Variants in APBB2 observed in about 807,000 individuals in gnomAD.
APBB2 encodes the protein amyloid beta precursor protein binding family B member 2.
Under a neutral mutation model 82.5 loss-of-function variants are expected in APBB2, and 38 were observed. The observed-to-expected ratio is 0.46, with a 90% confidence interval of 0.36 to 0.60. The LOEUF is 0.60. Among genes scored for constraint, APBB2 ranks in the 20% least tolerant of loss-of-function variants. APBB2 has a pLI of 0.00. For missense variants in APBB2, 772 were observed against 972.3 expected, an observed-to-expected ratio of 0.79 and a Z score of 2.74; for synonymous variants, 341 against 368.2, an observed-to-expected ratio of 0.93 and a Z score of 0.85.
chr4:41,164,300 C>T (rs966446100), intron 1 of APBB2, among the ~76,000 whole-genome samples: 6 of 152,276 alleles, frequency 3.9e-5, no homozygotes, highest in African/African-American at 1.4e-4. Flanking sequence ...GATTTTGGAG[C>T]ACTTCAGATT....
chr4:40,969,128 G>C (rs1191235625), intron 6 of APBB2, among the ~76,000 whole-genome samples: 1 of 152,180 alleles, frequency 6.6e-6, no homozygotes, highest in Non-Finnish European at 1.5e-5. Context: ...CCCAGTCTCA[G>C]ATATGTCTTT....
In APBB2 at chr4:41,013,596, G is replaced by C. The variant is rs1560523162; in HGVS notation, c.822C>G (p.Ser274=). ...CCCCAGGGGTACCTGTTTCATCCGG[G>C]GAGCTGGGTGAGGCACTGTCTTGGG... ...TLSQDSASPS[S]PDETADIWSD... is the part of the protein sequence containing the mutation. The change falls in exon 6 of 18, where the codon TCC becomes TCG. Residue 274 remains serine, a synonymous_variant. Transcript: ENST00000508593. 1 of 1,613,754 alleles carries C rather than the reference G, an allele frequency of 6.2e-7. No individual in the cohort carries two copies.
rs777910826 is a variant in APBB2, at chr4:40,832,013, T to TATATACACACAC, written c.1530-1437_1530-1436insGTGTGTGTATAT. On this transcript the variant is annotated intron_variant, in intron 12 of 17. Coordinates refer to ENST00000508593, the MANE Select transcript of APBB2 (RefSeq NM_004307.2). The surrounding 1 kb of genome is among the most constrained non-coding windows in gnomAD (Gnocchi z 4.8). ...ACACATATTTATATATTTATTTATA[T>TATATACACACAC]ACACACACACACACACACACACACA... 1.8e-3 allele frequency among the ~76,000 whole-genome samples: 247 copies of TATATACACACAC among 138,966 alleles called. No homozygotes were observed. The highest frequency in any genetic ancestry group is 4.9e-3 in the African/African-American group (181 of 37,130). 91.2% of individuals were successfully genotyped at this position (138,966 alleles called of 152,430 possible). A position where few individuals can be genotyped will look rare whatever the true frequency, so the allele number is the denominator to read the frequency against.
At chr4:41,174,445 C>T (rs2154056384) in intron 1 of APBB2, among the ~76,000 whole-genome samples, 1 of 152,252 alleles carries the variant, frequency 6.6e-6, no homozygotes, top group Non-Finnish European at 1.5e-5. Context: ...TACATCAGAA[C>T]ATGACTGATG....
chr4:40,974,211 CCTTAA>C (rs146708439), intron 6 of APBB2, among the ~76,000 whole-genome samples: 4,223 of 152,224 alleles, frequency 0.028, 194 homozygotes, highest in African/African-American at 0.095. Context: ...AATGACCTTA[CCTTAA>C]CTTGATTACA....
intron 5 of APBB2, among the ~76,000 whole-genome samples, chr4:41,025,432 G>T (rs1713605120): frequency 6.6e-6 from 1 of 152,080 alleles, no homozygotes; most frequent in South Asian, 2.1e-4. Flanking sequence ...TTCAACTGTT[G>T]TGGAAAGCAG....
intron 10 of APBB2, among the ~76,000 whole-genome samples, chr4:40,925,990 T>C (rs1345363449): frequency 6.6e-6 from 1 of 152,170 alleles, no homozygotes; most frequent in Non-Finnish European, 1.5e-5. Flanking sequence ...AGGTAAGTTA[T>C]AACAAAAGAG....
intron 4 of APBB2, among the ~76,000 whole-genome samples, chr4:41,040,108 T>C (rs184610914): frequency 7.2e-5 from 11 of 152,206 alleles, no homozygotes; most frequent in African/African-American, 2.6e-4. Flanking sequence ...TATAGAAAAT[T>C]GTCTTTCTGA....
intron 2 of APBB2, among the ~76,000 whole-genome samples, chr4:41,142,607 C>T (rs1580371222): frequency 6.6e-6 from 1 of 152,304 alleles, no homozygotes; most frequent in Non-Finnish European, 1.5e-5. Context: ...TTTGAAACTA[C>T]AAATCCAACT....
At chr4:40,833,565 C>T (rs4861319) in intron 12 of APBB2, among the ~76,000 whole-genome samples, 91,297 of 151,878 alleles carry the variant, frequency 0.6, 28,450 homozygotes, top group African/African-American at 0.67. Context: ...TTATATCATA[C>T]CTTTTTGTAG....
intron 6 of APBB2, 111 bp downstream of exon 6, chr4:41,013,472 C>T (rs1336795628): frequency 8.9e-6 from 9 of 1,016,512 alleles, no homozygotes; most frequent in Admixed American, 6.9e-5. Flanking sequence ...AAGAGGCTCA[C>T]GTTCCTCTCT....
intron 6 of APBB2, among the ~76,000 whole-genome samples, chr4:40,991,782 AT>A (rs1272429262): frequency 6.6e-6 from 1 of 151,876 alleles, no homozygotes; most frequent in African/African-American, 2.4e-5. Context: ...GTTTTCTAGG[AT>A]TTTTTTTAGA....
At chr4:40,950,868 AAATT>A (rs1188154266) in intron 6 of APBB2, among the ~76,000 whole-genome samples, 12 of 152,306 alleles carry the variant, frequency 7.9e-5, no homozygotes, top group Non-Finnish European at 1.2e-4. Context: ...AAAAAAATTA[AAATT>A]AAATTTAAAA....
intron 5 of APBB2, among the ~76,000 whole-genome samples, chr4:41,016,021 T>A (rs1809819723): frequency 6.6e-6 from 1 of 152,078 alleles, no homozygotes; most frequent in Non-Finnish European, 1.5e-5. Context: ...CACTCAAGAG[T>A]GGCATTTCAT....
chr4:40,921,004 T>C (rs371535163), intron 10 of APBB2, among the ~76,000 whole-genome samples: 14 of 152,296 alleles, frequency 9.2e-5, no homozygotes, highest in South Asian at 8.3e-4. Flanking sequence ...CATTTAGCAG[T>C]GGAACAGTGA....
intron 2 of APBB2, among the ~76,000 whole-genome samples, chr4:41,126,644 A>C (rs1436993076): frequency 6.6e-6 from 1 of 152,096 alleles, no homozygotes. Flanking sequence ...AAACAATAGA[A>C]AGTTATTTTC....
intron 10 of APBB2, among the ~76,000 whole-genome samples, chr4:40,900,537 C>A (rs899850659): frequency 6.7e-6 from 1 of 149,086 alleles, no homozygotes; most frequent in Non-Finnish European, 1.5e-5. Flanking sequence ...CTCACTGTAA[C>A]CTCTGCCTCC....
chr4:40,910,951 A>G (rs1778372725), intron 10 of APBB2, among the ~76,000 whole-genome samples: 1 of 152,258 alleles, frequency 6.6e-6, no homozygotes, highest in African/African-American at 2.4e-5. Context: ...TTTTATTGGA[A>G]TAATAGTAAA....
At chr4:41,178,175 T>C (rs1770337381) in intron 1 of APBB2, among the ~76,000 whole-genome samples, 1 of 152,182 alleles carries the variant, frequency 6.6e-6, no homozygotes, top group Non-Finnish European at 1.5e-5. Context: ...GTATCAATAT[T>C]AAACAAAACA....
Sources: allele counts gnomAD v4.1 joint callset (sites outside exome capture counted in the v4.1 genomes callset), GRCh38; gene constraint gnomAD v4.1.1; non-coding constraint Gnocchi (gnomAD v3.1); transcripts MANE v1.5; gene names NCBI Gene and HGNC (gene_info 2026-07-23, HGNC 2026-07-21).